Variants in TNRC6A observed in about 807,000 individuals in gnomAD.
TNRC6A encodes trinucleotide repeat containing adaptor 6A, also known as trinucleotide repeat-containing gene 6A protein.
In TNRC6A, 44 loss-of-function variants were observed where a neutral mutation model predicts 221.2. The ratio of observed to expected loss-of-function variants is 0.20; its 90% confidence interval spans 0.16 to 0.26. The LOEUF (loss-of-function observed/expected upper bound fraction) is 0.26. Ranked by LOEUF, TNRC6A falls within the 10% of genes least tolerant of loss-of-function variation. TNRC6A has a pLI of 1.00. For missense variants in TNRC6A, 2,199 were observed against 2,404.4 expected, an observed-to-expected ratio of 0.91 and a Z score of 1.79; for synonymous variants, 847 against 838.5, an observed-to-expected ratio of 1.01 and a Z score of -0.18.
chr16:24,611,892 A>G (rs1263175329), intron 1 of TNRC6A, among the ~76,000 whole-genome samples: 1 of 152,106 alleles, frequency 6.6e-6, no homozygotes, highest in Non-Finnish European at 1.5e-5. Flanking sequence ...CAGGAGTTCG[A>G]GACCAGCCTG....
intron 21 of TNRC6A, chr16:24,819,722 T>TTAAAA: frequency 4.7e-6 from 1 of 213,736 alleles, no homozygotes. Context: ...TGGCAGCTCC[T>TTAAAA]GAGTTGGGGC....
chr16:24,805,059 C>T lies in TNRC6A; in HGVS notation c.4030C>T (p.Pro1344Ser), dbSNP rs2058402823. 6.2e-7 allele frequency: 1 copy of T among 1,614,084 alleles called. No individual in the cohort carries two copies. The highest frequency in any genetic ancestry group is 8.5e-7 in the Non-Finnish European group (1 of 1,180,050). Residue 1344 changes from proline to serine, a missense_variant, in exon 14 of 25, where the codon CCC (proline) becomes TCC (serine). Pro to Ser is a moderately conservative substitution (Grantham distance 74). Around this residue, in one of 8 missense-constraint regions of TNRC6A, gnomAD observed 449 missense variants for 579.7 expected, o/e 0.77. Transcript: ENST00000395799. Reference sequence around the variant, plus strand: ...TGGTGTTGGAAACACAGCAGCACAACCCCGGGGCATGCAGCAGCCTCCAGC... The same window carrying T: ...TGGTGTTGGAAACACAGCAGCACAATCCCGGGGCATGCAGCAGCCTCCAGC... Reference protein sequence around the residue: ...MFGVGNTAAQPRGMQQPPAQP... With the variant: ...MFGVGNTAAQSRGMQQPPAQP...
chr16:24,806,655 C>G lies in TNRC6A; in HGVS notation c.4411C>G (p.Pro1471Ala). The change falls in exon 17 of 25, where the codon CCA (proline) becomes GCA (alanine). Residue 1471 changes from proline to alanine, a missense_variant. Pro to Ala is a conservative substitution (Grantham distance 27). Around this residue, in one of 8 missense-constraint regions of TNRC6A, gnomAD observed 449 missense variants for 579.7 expected, o/e 0.77. Transcript: ENST00000395799. ...DPNLLVKQQT[P>A]PSQQQPLHQP... is the part of the protein sequence containing the mutation. ...AAACCTGTTGGTGAAGCAGCAGACT[C>G]CACCATCTCAGCAGCAGCCACTCCA... is the stretch of plus-strand genomic sequence containing the variant. The G allele has an allele frequency of 2.5e-6, 4 of 1,614,188 alleles. No individual in the cohort carries two copies. Among genetic ancestry groups the G allele is most frequent in the Non-Finnish European group, 3.4e-6 (4 of 1,180,042 alleles).
rs1397431548 is a variant in TNRC6A at position 24,789,838 on chromosome 16, G to A, written c.1196G>A (p.Gly399Asp). ...ATTAATATTCAGTGCAGTACTATAG[G>A]CCAGATGCCTAACAATCAGAGTATT... The part of the protein sequence containing the change: ...SGINIQCSTI[G>D]QMPNNQSINS... Residue 399 changes from glycine to aspartate, a missense_variant, in exon 6 of 25, where the codon GGC (glycine) becomes GAC (aspartate). Physicochemically the swap from Gly to Asp is moderately conservative, Grantham distance 94. This residue lies in a region of TNRC6A where 1,405 missense variants were observed against 1,400.2 expected (regional missense o/e 1.00). Coordinates refer to ENST00000395799, the MANE Select transcript of TNRC6A (RefSeq NM_014494.4). The A allele has an allele frequency of 7.4e-6, 12 of 1,614,032 alleles. No individual in the cohort carries two copies. Among genetic ancestry groups the A allele is most frequent in the African/African-American group, 1.3e-5 (1 of 74,916 alleles).
intron 2 of TNRC6A, among the ~76,000 whole-genome samples, chr16:24,687,469 TGG>T (rs34871827): frequency 0.011 from 1,639 of 152,284 alleles, 37 homozygotes; most frequent in African/African-American, 0.035. Flanking sequence ...CCTATCACCT[TGG>T]GCTCTAATGG....
chr16:24,809,238 T>TA (rs1305228083), intron 17 of TNRC6A, 112 bp from the exon 18 acceptor site: 1 of 956,822 alleles, frequency 1.0e-6, no homozygotes, highest in East Asian at 2.8e-5. Context: ...TATTAACAGT[T>TA]ATGTGGTTTG....
chr16:24,677,913 G>T (rs924131351), intron 2 of TNRC6A, among the ~76,000 whole-genome samples: 1 of 152,114 alleles, frequency 6.6e-6, no homozygotes, highest in Non-Finnish European at 1.5e-5. Flanking sequence ...TAGGTGTCCT[G>T]CAAGATGGTG....
chr16:24,692,068 A>T (rs1342069249), intron 2 of TNRC6A, among the ~76,000 whole-genome samples: 1 of 152,184 alleles, frequency 6.6e-6, no homozygotes, highest in Non-Finnish European at 1.5e-5. Flanking sequence ...GGTGTCCACA[A>T]AGTATACTTT....
intron 1 of TNRC6A, among the ~76,000 whole-genome samples, chr16:24,615,229 A>G (rs985555769): frequency 2.0e-5 from 3 of 152,160 alleles, no homozygotes; most frequent in Non-Finnish European, 4.4e-5. Flanking sequence ...TCACAGGTTG[A>G]TAATTCCATG....
At chr16:24,677,100 A>T (rs1163424696) in intron 2 of TNRC6A, among the ~76,000 whole-genome samples, 1 of 150,412 alleles carries the variant, frequency 6.6e-6, no homozygotes, top group East Asian at 2.0e-4. Context: ...TAAATTCAAC[A>T]TGTCCAACTC....
intron 4 of TNRC6A, among the ~76,000 whole-genome samples, chr16:24,773,794 T>C (rs1231034425): frequency 2.6e-5 from 4 of 152,206 alleles, no homozygotes; most frequent in Admixed American, 2.6e-4. Flanking sequence ...CTTTGAATTT[T>C]GTCTGATATC....
chr16:24,669,196 T>C (rs556443305), intron 2 of TNRC6A, among the ~76,000 whole-genome samples: 1 of 152,294 alleles, frequency 6.6e-6, no homozygotes, highest in East Asian at 1.9e-4. Flanking sequence ...ATAGATCATC[T>C]GTACAATCTC....
In TNRC6A at chr16:24,818,580, T is replaced by C; in HGVS notation, c.4973-13T>C. 6 of 1,610,858 alleles carry C rather than the reference T, an allele frequency of 3.7e-6. No individual in the cohort carries two copies. Among genetic ancestry groups the C allele is most frequent in the Non-Finnish European group, 5.1e-6 (6 of 1,176,972 alleles). On this transcript the variant is annotated splice_polypyrimidine_tract_variant and intron_variant, in intron 20 of 24. Coordinates refer to ENST00000395799, the MANE Select transcript of TNRC6A (RefSeq NM_014494.4). Reference sequence around the variant, plus strand: ...CTTGCTCTGGTGGCTGATTGGACTCTTCCCCCACACAGGGTCATCCTCATC... The same window carrying C: ...CTTGCTCTGGTGGCTGATTGGACTCCTCCCCCACACAGGGTCATCCTCATC...
At position 24,625,594 on chromosome 16, in the gene TNRC6A, C is replaced by T. The variant is rs1345851197; in HGVS notation, n.276+15110C>T. 4.6e-5 allele frequency among the ~76,000 whole-genome samples: 7 copies of T among 152,064 alleles called. No homozygotes were observed. In the East Asian group the frequency reaches 5.8e-4, roughly 13 times the overall value. On this transcript the variant is annotated intron_variant and non_coding_transcript_variant, in intron 1 of 2. Coordinates refer to the TNRC6A transcript ENST00000566108. ...ACAAAAAATTAGCCGGGCGCGGTGG[C>T]GGGCGCCTGTAGTCCCAGCTACTCG...
intron 18 of TNRC6A, among the ~76,000 whole-genome samples, chr16:24,811,995 C>T (rs554305351): frequency 1.3e-4 from 17 of 131,934 alleles, no homozygotes; most frequent in South Asian, 1.0e-3. Flanking sequence ...GTTCGTTTGC[C>T]GTTCAGGGGA....
intron 2 of TNRC6A, among the ~76,000 whole-genome samples, chr16:24,679,147 C>T (rs1357388658): frequency 2.0e-5 from 3 of 151,814 alleles, no homozygotes; most frequent in Admixed American, 2.0e-4. Context: ...TACAGGCAAG[C>T]GCCACCACGC....
chr16:24,789,625 T>A lies in TNRC6A; in HGVS notation c.983T>A (p.Val328Glu). ...GAIISTCQVS[V>E]DAPESKSESS... ...ATAATAAGCACATGTCAGGTCTCTG[T>A]GGATGCTCCTGAAAGCAAATCTGAA... Residue 328 changes from valine (V) to glutamate (E), a missense_variant, in exon 6 of 25, where the codon GTG becomes GAG. Physicochemically the swap from Val to Glu is moderately radical, Grantham distance 121. Around this residue, in one of 8 missense-constraint regions of TNRC6A, gnomAD observed 1,405 missense variants for 1,400.2 expected, o/e 1.00. Coordinates refer to ENST00000395799, the MANE Select transcript of TNRC6A (RefSeq NM_014494.4). 1 of 1,614,152 alleles carries A rather than the reference T, an allele frequency of 6.2e-7. No homozygotes were observed. Among genetic ancestry groups the A allele is most frequent in the East Asian group, 2.2e-5 (1 of 44,884 alleles).
At position 24,638,703 on chromosome 16, in the gene TNRC6A, G is replaced by C. The variant is rs565820841; in HGVS notation, n.277-2181G>C. 3.8e-3 allele frequency among the ~76,000 whole-genome samples: 504 copies of C among 133,922 alleles called. 3 individuals carry two copies. Among genetic ancestry groups the C allele is most frequent in the African/African-American group, 0.015 (489 of 32,832 alleles). 87.9% of individuals were successfully genotyped at this position (133,922 alleles called of 152,430 possible). ...ACTCCAGCCTGGGCAACAGAGCAAG[G>C]TTGTCTCAAAAAAAAAAACAAAAAA... On this transcript the variant is annotated intron_variant and non_coding_transcript_variant, in intron 1 of 2. Transcript: ENST00000566108.
intron 2 of TNRC6A, among the ~76,000 whole-genome samples, chr16:24,687,849 A>AGAG (rs2055662911): frequency 7.7e-6 from 1 of 130,046 alleles, no homozygotes; most frequent in Non-Finnish European, 1.6e-5. Flanking sequence ...AAGAGGAAGA[A>AGAG]GAAGAAGAAG....
Sources: allele counts gnomAD v4.1 joint callset (sites outside exome capture counted in the v4.1 genomes callset), GRCh38; gene constraint gnomAD v4.1.1; regional missense constraint gnomAD v4.1.1; transcripts MANE v1.5; gene names NCBI Gene and HGNC (gene_info 2026-07-23, HGNC 2026-07-21).